The following TIAM1 variants were observed in gnomAD, a reference collection of about 807,000 sequenced individuals.
TIAM1 encodes the protein TIAM Rac1 associated GEF 1, also known as rho guanine nucleotide exchange factor TIAM1.
TIAM1 carries 65 observed loss-of-function variants against 163.5 expected under a neutral mutation model. The ratio of observed to expected loss-of-function variants is 0.40; its 90% confidence interval spans 0.33 to 0.49. The LOEUF (loss-of-function observed/expected upper bound fraction) is 0.49, where lower values mean the gene tolerates loss of function less well. Among genes scored for constraint, TIAM1 ranks in the 20% least tolerant of loss-of-function variants. TIAM1 has a pLI of 0.77. For missense variants in TIAM1, 1,789 were observed against 2,044.7 expected, an observed-to-expected ratio of 0.87 and a Z score of 2.41; for synonymous variants, 833 against 810.1, an observed-to-expected ratio of 1.03 and a Z score of -0.48.
intron 3 of TIAM1, among the ~76,000 whole-genome samples, chr21:31,269,237 A>C (rs1321383181): frequency 6.6e-6 from 1 of 152,220 alleles, no homozygotes; most frequent in Admixed American, 6.5e-5. Context: ...ACCGCACTAC[A>C]TGCATCACGC....
intron 15 of TIAM1, among the ~76,000 whole-genome samples, chr21:31,169,137 T>C (rs144189594): frequency 1.6e-3 from 244 of 151,820 alleles, no homozygotes; most frequent in African/African-American, 5.7e-3. Context: ...CTACTAAAAA[T>C]ACAAAAATTA....
Position 31,313,554 on chromosome 21 carries a change from A to T in TIAM1, c.-189+25689T>A, listed in dbSNP as rs556837611. Reference sequence around the variant, plus strand: ...ATATGTGGGGGCAAAATAATTTATTAAAAAATTCAGGAGTTCAATAGAGCA... The same window carrying T: ...ATATGTGGGGGCAAAATAATTTATTTAAAAATTCAGGAGTTCAATAGAGCA... On this transcript the variant is annotated intron_variant, in intron 2 of 27. Coordinates refer to ENST00000541036, the MANE Select transcript of TIAM1 (RefSeq NM_001353694.2). Among the ~76,000 whole-genome samples the T allele has an allele frequency of 3.9e-5, 6 of 152,292 alleles. No individual in the cohort carries two copies. The East Asian group carries it at 1.2e-3, about 29-fold the overall frequency.
At chr21:31,477,689 T>C (rs937269641) in intron 1 of TIAM1, among the ~76,000 whole-genome samples, 7 of 152,100 alleles carry the variant, frequency 4.6e-5, no homozygotes, top group Admixed American at 2.6e-4. Context: ...TTGGCCAGGC[T>C]AGTCTCAAAC....
chr21:31,124,824 T>C, intron 26 of TIAM1, 130 bp from the exon 27 acceptor site: 1 of 701,918 alleles, frequency 1.4e-6, no homozygotes, highest in Non-Finnish European at 2.2e-6. Context: ...TTGACTCCAA[T>C]TTCTATGCTG....
chr21:31,173,323 G>T (rs996119448), intron 15 of TIAM1, among the ~76,000 whole-genome samples: 2 of 152,094 alleles, frequency 1.3e-5, no homozygotes, highest in Admixed American at 1.3e-4. Flanking sequence ...ACGTTTGGGG[G>T]TGGGGGCAAA....
chr21:31,500,026 C>T (rs2046799935), intron 1 of TIAM1, among the ~76,000 whole-genome samples: 1 of 150,994 alleles, frequency 6.6e-6, no homozygotes, highest in Non-Finnish European at 1.5e-5. Context: ...ATTAGCTGGG[C>T]ATGGTGGCGG....
intron 1 of TIAM1, among the ~76,000 whole-genome samples, chr21:31,547,823 A>G (rs1351550630): frequency 6.6e-6 from 1 of 152,204 alleles, no homozygotes; most frequent in Non-Finnish European, 1.5e-5. Flanking sequence ...CCAGCAATAT[A>G]TTAACCATAA....
chr21:31,322,450 G>T (rs922211998), intron 2 of TIAM1, among the ~76,000 whole-genome samples: 2 of 144,978 alleles, frequency 1.4e-5, no homozygotes, highest in African/African-American at 5.2e-5. Flanking sequence ...TCTATGGGTG[G>T]GGGGGGGTGC....
chr21:31,225,639 T>C (rs1363811097), intron 7 of TIAM1, 87 bp downstream of exon 7: 5 of 1,106,908 alleles, frequency 4.5e-6, no homozygotes, highest in Non-Finnish European at 6.5e-6. Context: ...CGATGATGTT[T>C]CACGATTCCA....
At chr21:31,369,094 C>T (rs577296706) in intron 2 of TIAM1, among the ~76,000 whole-genome samples, 4 of 151,996 alleles carry the variant, frequency 2.6e-5, no homozygotes, top group African/African-American at 9.6e-5. Context: ...GCCGTGGTGG[C>T]GGGAGCCTGT....
intron 24 of TIAM1, among the ~76,000 whole-genome samples, chr21:31,130,624 G>C (rs767023930): frequency 2.9e-4 from 44 of 152,178 alleles, no homozygotes; most frequent in Non-Finnish European, 5.7e-4. Context: ...CGTTAGGAAG[G>C]TTCTGGGCCA....
chr21:31,295,469 C>CAAAAAA lies in TIAM1; in HGVS notation c.-188-18567_-188-18562dup, dbSNP rs1215751004. Among the ~76,000 whole-genome samples, 51 of 65,952 alleles carry CAAAAAA rather than the reference C, an allele frequency of 7.7e-4. 2 individuals carry two copies. The highest frequency in any genetic ancestry group is 2.3e-3 in the African/African-American group (43 of 18,614). 43.3% of individuals were successfully genotyped at this position (65,952 alleles called of 152,430 possible). A position where few individuals can be genotyped will look rare whatever the true frequency, so the allele number is the denominator to read the frequency against. ...TGGGTGACAGAGTGAGACTCCATCA[C>CAAAAAA]AAAAAAAAAAAAAAAAAAAAGGTCT... On this transcript the variant is annotated intron_variant, in intron 2 of 27. Coordinates refer to ENST00000541036, the MANE Select transcript of TIAM1 (RefSeq NM_001353694.2).
intron 1 of TIAM1, among the ~76,000 whole-genome samples, chr21:31,497,547 G>C (rs1199772053): frequency 6.6e-6 from 1 of 152,134 alleles, no homozygotes; most frequent in African/African-American, 2.4e-5. Flanking sequence ...CTTTGTAGAA[G>C]GGAACAGGGT....
rs1392662494 is a variant in TIAM1 at position 31,395,595 on chromosome 21, T to C, written c.-368-56173A>G. Among the ~76,000 whole-genome samples, 1 of 152,180 alleles carries C rather than the reference T, an allele frequency of 6.6e-6. No individual in the cohort carries two copies. ...TGTTCTCTCCAACTGAGAAAGCAGA[T>C]TGCGTTACATTTCTCCACATAAATG... is the stretch of plus-strand genomic sequence containing the variant. On this transcript the variant is annotated intron_variant, in intron 2 of 28. Transcript: ENST00000286827. The surrounding 1 kb of genome is among the most constrained non-coding windows in gnomAD (Gnocchi z 7.5).
At chr21:31,447,560 G>A (rs763528707) in intron 2 of TIAM1, among the ~76,000 whole-genome samples, 23 of 152,190 alleles carry the variant, frequency 1.5e-4, no homozygotes, top group Non-Finnish European at 3.1e-4. Context: ...GGAAAAATAT[G>A]AGAGTGATCT....
At chr21:31,353,350 A>C (rs2076264942) in intron 2 of TIAM1, among the ~76,000 whole-genome samples, 1 of 152,222 alleles carries the variant, frequency 6.6e-6, no homozygotes, top group South Asian at 2.1e-4. Flanking sequence ...CAGGCAGTCT[A>C]AGTGAGAATT....
At chr21:31,210,630 AAAGAAAGAAAG>A (rs2086720059) in intron 10 of TIAM1, among the ~76,000 whole-genome samples, 1 of 18,814 alleles carries the variant, frequency 5.3e-5, no homozygotes, top group African/African-American at 2.6e-4. Flanking sequence ...AGAAAGAAAG[AAAGAAAGAAAG>A]AAAGAAAGAA....
intron 5 of TIAM1, among the ~76,000 whole-genome samples, chr21:31,246,665 C>T (rs950763706): frequency 6.6e-6 from 1 of 152,098 alleles, no homozygotes; most frequent in Non-Finnish European, 1.5e-5. Context: ...TGCTTATATG[C>T]GATTAGTAGT....
intron 2 of TIAM1, among the ~76,000 whole-genome samples, chr21:31,448,805 T>C (rs1005850228): frequency 8.6e-5 from 13 of 151,988 alleles, no homozygotes; most frequent in African/African-American, 3.1e-4. Flanking sequence ...AATCCTCAAA[T>C]TATAGGCATG....
Sources: allele counts gnomAD v4.1 joint callset (sites outside exome capture counted in the v4.1 genomes callset), GRCh38; gene constraint gnomAD v4.1.1; non-coding constraint Gnocchi (gnomAD v3.1); transcripts MANE v1.5; gene names NCBI Gene and HGNC (gene_info 2026-07-23, HGNC 2026-07-21).